Variants in ATG12 observed in about 807,000 individuals in gnomAD.
The protein encoded by ATG12 is autophagy related 12.
Under a neutral mutation model 17.6 loss-of-function variants are expected in ATG12, and 19 were observed. The observed-to-expected ratio is 1.08, with a 90% CI of 0.75 to 1.58. The LOEUF (loss-of-function observed/expected upper bound fraction) is 1.58. ATG12 is among the 40% of genes most tolerant of loss of function. The pLI is 0.00. For synonymous variants in ATG12, 75 were observed against 62.4 expected, an observed-to-expected ratio of 1.20 and a Z score of -0.95; for missense variants, 214 against 162.0, an observed-to-expected ratio of 1.32 and a Z score of -1.74.
Position 115,831,510 on chromosome 5 carries a change from A to T in ATG12, c.*294T>A. On this transcript the variant is annotated 3_prime_UTR_variant, in exon 4 of 4. Coordinates refer to ENST00000509910, the MANE Select transcript of ATG12 (RefSeq NM_004707.4). The stretch of plus-strand genomic sequence containing the variant: ...GAACTGACAATGAAGATGTTTATAC[A>T]GTCTTAGTCTCCTTTTCAACCTTGG... The T allele has an allele frequency of 2.3e-6, 1 of 431,154 alleles. No homozygotes were observed. The highest frequency in any genetic ancestry group is 3.4e-5 in the South Asian group (1 of 29,052). 26.7% of individuals were successfully genotyped at this position (431,154 alleles called of 1,614,324 possible). A position where few individuals can be genotyped will look rare whatever the true frequency, so the allele number is the denominator to read the frequency against.
chr5:115,832,797 T>A, intron 2 of ATG12, 133 bp from the exon 3 acceptor site: 1 of 799,542 alleles, frequency 1.3e-6, no homozygotes, highest in Non-Finnish European at 1.9e-6. Flanking sequence ...TCCTAACTTT[T>A]CTAAATAGTC....
At position 115,837,633 on chromosome 5, in the gene ATG12, G is replaced by A; in HGVS notation, c.295C>T (p.Gln99Ter). ...CATCACCATTGGTTTCATACCAACT[G>A]TTCTGAGGCCACAAGTTTAAGAAAC... Reference protein sequence around the residue: ...KKFLKLVASEQLFIYVNQSFA... With the variant: ...KKFLKLVASE Residue 99 changes from glutamine to a stop codon, truncating the protein, a stop_gained, in exon 2 of 4, where the codon CAG becomes TAG. Coordinates refer to ENST00000509910, the MANE Select transcript of ATG12 (RefSeq NM_004707.4). LOFTEE classifies it high-confidence loss of function. 1 of 1,611,224 alleles carries A rather than the reference G, an allele frequency of 6.2e-7. No homozygotes were observed. The highest frequency in any genetic ancestry group is 1.3e-5 in the African/African-American group (1 of 74,870).
chr5:115,840,944 G>A (rs1159292845), intron 1 of ATG12: 1 of 1,234,598 alleles, frequency 8.1e-7, no homozygotes, highest in Admixed American at 2.3e-5. Flanking sequence ...ACTGGGAGGG[G>A]GAAAAAAGCA....
chr5:115,840,842 A>C, intron 1 of ATG12: 1 of 1,254,886 alleles, frequency 8.0e-7, no homozygotes, highest in Non-Finnish European at 1.0e-6. Flanking sequence ...GTGTTTCTTA[A>C]AAAGGTAACA....
At chr5:115,832,237 T>A (rs78753214) in intron 3 of ATG12, among the ~76,000 whole-genome samples, 3,168 of 152,270 alleles carry the variant, frequency 0.021, 113 homozygotes, top group African/African-American at 0.069. Context: ...TGCTGTTTTC[T>A]CAATTTCTTG....
rs985983551 is a variant in ATG12, at chr5:115,829,252, A to G, written c.*2552T>C. ...AGAAACTGCATGAAAAGAGATTTTT[A>G]TTTTCACACTCCTTCAACACCTAAG... On this transcript the variant is annotated 3_prime_UTR_variant, in exon 4 of 4. Coordinates refer to ENST00000509910, the MANE Select transcript of ATG12 (RefSeq NM_004707.4). 4.6e-5 allele frequency: 7 copies of G among 152,134 alleles called. No individual in the cohort carries two copies. Among genetic ancestry groups the G allele is most frequent in the African/African-American group, 1.7e-4 (7 of 41,432 alleles). 9.4% of individuals were successfully genotyped at this position (152,134 alleles called of 1,614,324 possible).
rs758315418 is a variant in ATG12 at position 115,831,445 on chromosome 5, A to T, written c.*359T>A. On this transcript the variant is annotated 3_prime_UTR_variant, in exon 4 of 4. Transcript: ENST00000509910. ...ATTAAAAAAAAAGGAACCCTTTAGTATATTAACTTTTACCATGAAAACAAT... is the reference window on the plus strand; with the variant it reads ...ATTAAAAAAAAAGGAACCCTTTAGTTTATTAACTTTTACCATGAAAACAAT... 3.5e-6 allele frequency: 1 copy of T among 282,476 alleles called. No individual in the cohort carries two copies. The allele number at this position is 282,476 out of a possible 1,614,324, so 17.5% of individuals were successfully genotyped here.
intron 2 of ATG12, chr5:115,833,622 T>A (rs563604380): frequency 6.6e-6 from 1 of 152,292 alleles, no homozygotes; most frequent in East Asian, 1.9e-4. Context: ...CAAAATGAGA[T>A]AATACACTAA....
In ATG12 at chr5:115,837,619, G is replaced by C; in HGVS notation, c.300+9C>G. 1 of 1,609,436 alleles carries C rather than the reference G, an allele frequency of 6.2e-7. No individual in the cohort carries two copies. The highest frequency in any genetic ancestry group is 8.5e-7 in the Non-Finnish European group (1 of 1,179,282). On this transcript the variant is annotated intron_variant, in intron 2 of 3. Transcript: ENST00000509910. Reference sequence around the variant, plus strand: ...TTTTTGTAGGAAAACATCACCATTGGTTTCATACCAACTGTTCTGAGGCCA... The same window carrying C: ...TTTTTGTAGGAAAACATCACCATTGCTTTCATACCAACTGTTCTGAGGCCA...
rs1760835026 is a variant in ATG12 at position 115,830,694 on chromosome 5, T to A, written c.*1110A>T. On this transcript the variant is annotated 3_prime_UTR_variant, in exon 4 of 4. Transcript: ENST00000509910. ...ATAATTTTTTTTTAATTTTTATTTT[T>A]TTGTAGAGTTGGGGATCTTGCCTTG... The A allele has an allele frequency of 6.6e-6, 1 of 152,098 alleles. No individual in the cohort carries two copies. Among genetic ancestry groups the A allele is most frequent in the Non-Finnish European group, 1.5e-5 (1 of 68,030 alleles). 9.4% of individuals were successfully genotyped at this position (152,098 alleles called of 1,614,324 possible).
rs1761455230 is a variant in ATG12 at position 115,841,289 on chromosome 5, G to C, written c.163+101C>G. The stretch of plus-strand genomic sequence containing the variant: ...GATGACTGGTCAAAATGCAGGTCTA[G>C]GACAGGCGCTCCTCTAAATTTTGCT... On this transcript the variant is annotated intron_variant, in intron 1 of 3. Transcript: ENST00000509910. The C allele has an allele frequency of 3.3e-6, 5 of 1,494,910 alleles. No homozygotes were observed. In the South Asian group the frequency reaches 4.7e-5, roughly 14 times the overall value. 92.6% of individuals were successfully genotyped at this position (1,494,910 alleles called of 1,614,324 possible). A position where few individuals can be genotyped will look rare whatever the true frequency, so the allele number is the denominator to read the frequency against.
Position 115,831,729 on chromosome 5 carries a change from G to C in ATG12, c.*75C>G. ...ACATCTGTTAAGTCTCTTGCCACAA[G>C]CATCAAAACTTTTCAGAGCTGTCTC... On this transcript the variant is annotated 3_prime_UTR_variant, in exon 4 of 4. Coordinates refer to ENST00000509910, the MANE Select transcript of ATG12 (RefSeq NM_004707.4). The C allele has an allele frequency of 7.2e-7, 1 of 1,389,402 alleles. No individual in the cohort carries two copies. Among genetic ancestry groups the C allele is most frequent in the Non-Finnish European group, 1.0e-6 (1 of 990,346 alleles). 86.1% of individuals were successfully genotyped at this position (1,389,402 alleles called of 1,614,324 possible). A position where few individuals can be genotyped will look rare whatever the true frequency, so the allele number is the denominator to read the frequency against.
intron 1 of ATG12, 172 bp from the exon 2 acceptor site, chr5:115,837,936 C>T (rs1460787100): frequency 1.7e-6 from 1 of 584,064 alleles, no homozygotes; most frequent in Non-Finnish European, 2.7e-6. Context: ...TCATTTTTTT[C>T]TTGATCCTAC....
chr5:115,831,885 A>T (rs1270636507), intron 3 of ATG12, 22 bp from the exon 4 acceptor site: 2 of 1,543,072 alleles, frequency 1.3e-6, no homozygotes, highest in East Asian at 2.3e-5. Context: ...AAAGGCAATA[A>T]ATCAAACTCA....
In ATG12 at chr5:115,831,624, A is replaced by C. The variant is rs1760873901; in HGVS notation, c.*180T>G. 1.5e-6 allele frequency: 1 copy of C among 653,688 alleles called. No individual in the cohort carries two copies. The highest frequency in any genetic ancestry group is 2.7e-6 in the Non-Finnish European group (1 of 370,324). 40.5% of individuals were successfully genotyped at this position (653,688 alleles called of 1,614,324 possible). On this transcript the variant is annotated 3_prime_UTR_variant, in exon 4 of 4. Coordinates refer to ENST00000509910, the MANE Select transcript of ATG12 (RefSeq NM_004707.4). Reference sequence around the variant, plus strand: ...TTATGATGACTGGTGCATTAATACAAATCACATTTTTCTGAGTCCATTCAT... The same window carrying C: ...TTATGATGACTGGTGCATTAATACACATCACATTTTTCTGAGTCCATTCAT...
Position 115,829,293 on chromosome 5 carries a change from G to A in ATG12, c.*2511C>T, listed in dbSNP as rs1192502524. On this transcript the variant is annotated 3_prime_UTR_variant, in exon 4 of 4. Coordinates refer to ENST00000509910, the MANE Select transcript of ATG12 (RefSeq NM_004707.4). Reference sequence around the variant, plus strand: ...AACACCTAAGGCTTTCTCACTTTGTGTTACAACTAAATTGGTTGACTAATG... The same window carrying A: ...AACACCTAAGGCTTTCTCACTTTGTATTACAACTAAATTGGTTGACTAATG... 1 of 152,154 alleles carries A rather than the reference G, an allele frequency of 6.6e-6. No homozygotes were observed. Among genetic ancestry groups the A allele is most frequent in the African/African-American group, 2.4e-5 (1 of 41,434 alleles). The allele number at this position is 152,154 out of a possible 1,614,324, so 9.4% of individuals were successfully genotyped here.
In ATG12 at chr5:115,837,746, G is replaced by A; in HGVS notation, c.182C>T (p.Ala61Val). Reference sequence around the variant, plus strand: ...TTTCATAATAGGAGTGTCTCCCACAGCCTTTAGCAAAATGTCAACTGTAAA... The same window carrying A: ...TTTCATAATAGGAGTGTCTCCCACAACCTTTAGCAAAATGTCAACTGTAAA... ...TKKKIDILLK[A>V]VGDTPIMKTK... The change falls in exon 2 of 4, where the codon GCT (alanine) becomes GTT (valine). Residue 61 changes from alanine (A) to valine (V), a missense_variant. By Grantham distance (64) the Ala-to-Val change is moderately conservative. Coordinates refer to ENST00000509910, the MANE Select transcript of ATG12 (RefSeq NM_004707.4). The A allele has an allele frequency of 1.2e-6, 2 of 1,602,126 alleles. No homozygotes were observed. The highest frequency in any genetic ancestry group is 2.2e-5 in the South Asian group (2 of 88,928).
rs1159545859 is a variant in ATG12 at position 115,831,213 on chromosome 5, AGTCT to A, written c.*587_*590del. The A allele has an allele frequency of 6.6e-6, 1 of 152,358 alleles. No homozygotes were observed. Among genetic ancestry groups the A allele is most frequent in the African/African-American group, 2.4e-5 (1 of 41,460 alleles). 9.4% of individuals were successfully genotyped at this position (152,358 alleles called of 1,614,324 possible). On this transcript the variant is annotated 3_prime_UTR_variant, in exon 4 of 4. Coordinates refer to ENST00000509910, the MANE Select transcript of ATG12 (RefSeq NM_004707.4). ...GTATTGTGTAAAATTACAGTCTTTC[AGTCT>A]GTCCTATGTGCTTGCTCTCCTGGCT...
chr5:115,832,007 C>A, intron 3 of ATG12, 144 bp from the exon 4 acceptor site: 1 of 741,916 alleles, frequency 1.3e-6, no homozygotes, highest in Non-Finnish European at 2.2e-6. Flanking sequence ...TCAAAGGATG[C>A]CTGTTTCTAT....
Sources: gnomAD v4.1 joint callset for allele counts (sites outside exome capture counted in the v4.1 genomes callset) on GRCh38, gnomAD v4.1.1 for gene constraint, MANE v1.5 for transcripts, NCBI Gene and HGNC (gene_info 2026-07-23, HGNC 2026-07-21) for gene names.